Variants in ZNF423 observed in about 807,000 individuals in gnomAD.
ZNF423 encodes the protein zinc finger protein 423.
ZNF423 carries 12 observed loss-of-function variants against 95.8 expected under a neutral mutation model. The ratio of observed to expected loss-of-function variants is 0.13; its 90% CI spans 0.08 to 0.20. ZNF423 has a LOEUF of 0.20. ZNF423 is among the 10% of genes least tolerant of loss of function. The pLI is 1.00. For synonymous variants in ZNF423, 749 were observed against 711.9 expected, an observed-to-expected ratio of 1.05 and a Z score of -0.83; for missense variants, 1,316 against 1,737.1, an observed-to-expected ratio of 0.76 and a Z score of 4.31.
chr16:49,647,716 T>C (rs1382759035), intron 3 of ZNF423, among the ~76,000 whole-genome samples: 1 of 152,214 alleles, frequency 6.6e-6, no homozygotes, highest in Non-Finnish European at 1.5e-5. Context: ...CAGAAAGGAA[T>C]GCGGCCCTGC....
At chr16:49,817,583 C>A (rs1177039629) in intron 1 of ZNF423, among the ~76,000 whole-genome samples, 1 of 152,196 alleles carries the variant, frequency 6.6e-6, no homozygotes, top group East Asian at 1.9e-4. Context: ...ACGCCTGATA[C>A]CGCCTTAGCC....
intron 7 of ZNF423, among the ~76,000 whole-genome samples, chr16:49,508,790 C>T (rs988413204): frequency 3.3e-5 from 5 of 152,152 alleles, no homozygotes; most frequent in Non-Finnish European, 7.3e-5. Flanking sequence ...ACAATTTTAG[C>T]ATCTTGCTCC....
intron 3 of ZNF423, among the ~76,000 whole-genome samples, chr16:49,643,821 G>A (rs928631487): frequency 3.9e-5 from 6 of 152,152 alleles, no homozygotes; most frequent in Non-Finnish European, 8.8e-5. Flanking sequence ...AAGCATAAAA[G>A]AGGAGAGAAT....
At position 49,781,080 on chromosome 16, in the gene ZNF423, C is replaced by T. The variant is rs540892408; in HGVS notation, c.100+8407G>A. On this transcript the variant is annotated intron_variant, in intron 2 of 7. Transcript: ENST00000563137. ...ATCCCACAGGTGACCCAATGCAGGA[C>T]GGTCACTTGGGGAAATGTGTAAAGT... Among the ~76,000 whole-genome samples, 4 of 152,268 alleles carry T rather than the reference C, an allele frequency of 2.6e-5. No homozygotes were observed. In the East Asian group the frequency reaches 5.8e-4, roughly 22 times the overall value.
intron 1 of ZNF423, among the ~76,000 whole-genome samples, chr16:49,852,761 C>T (rs1032087213): frequency 4.0e-5 from 6 of 151,860 alleles, no homozygotes; most frequent in African/African-American, 1.5e-4. Flanking sequence ...GCTATTCTCC[C>T]CCCTCCCCTA....
chr16:49,826,666 T>G (rs2035008508), intron 1 of ZNF423: 1 of 152,228 alleles, frequency 6.6e-6, no homozygotes, highest in Non-Finnish European at 1.5e-5. Context: ...AAGGAATCAA[T>G]ACATGTTCAC....
chr16:49,790,008 C>G (rs1004752978), intron 1 of ZNF423, among the ~76,000 whole-genome samples: 8 of 152,166 alleles, frequency 5.3e-5, no homozygotes, highest in East Asian at 3.9e-4. Context: ...GCCTCCCCCC[C>G]ATTCCACCCA....
At chr16:49,760,841 T>C (rs1293016471) in intron 2 of ZNF423, among the ~76,000 whole-genome samples, 2 of 151,292 alleles carry the variant, frequency 1.3e-5, no homozygotes, top group Admixed American at 6.6e-5. Context: ...CCCCCGACCA[T>C]CTGCTATATC....
intron 5 of ZNF423, among the ~76,000 whole-genome samples, chr16:49,581,493 T>C (rs946549711): frequency 4.6e-5 from 7 of 152,216 alleles, no homozygotes; most frequent in Non-Finnish European, 8.8e-5. Context: ...TGGAGGAAAG[T>C]TATAGGCATT....
intron 5 of ZNF423, among the ~76,000 whole-genome samples, chr16:49,618,165 C>T (rs1971938671): frequency 6.6e-6 from 1 of 152,330 alleles, no homozygotes; most frequent in South Asian, 2.1e-4. Flanking sequence ...AGTTCAGGTC[C>T]CTACCCTGAA....
intron 5 of ZNF423, among the ~76,000 whole-genome samples, chr16:49,559,583 A>T (rs1969951615): frequency 6.6e-6 from 1 of 152,216 alleles, no homozygotes; most frequent in African/African-American, 2.4e-5. Context: ...AAAGACCAGG[A>T]CTTAATATCC....
intron 5 of ZNF423, among the ~76,000 whole-genome samples, chr16:49,589,449 T>C (rs1326739367): frequency 1.3e-5 from 2 of 152,244 alleles, no homozygotes; most frequent in African/African-American, 4.8e-5. Context: ...GTTTAGTGTC[T>C]AGCTGTGTGC....
At chr16:49,551,778 C>T (rs997234133) in intron 5 of ZNF423, among the ~76,000 whole-genome samples, 3 of 152,126 alleles carry the variant, frequency 2.0e-5, no homozygotes, top group South Asian at 2.1e-4. Flanking sequence ...GAAGGGACAC[C>T]GAAAACGGGC....
At chr16:49,668,831 A>G (rs1010212479) in intron 3 of ZNF423, among the ~76,000 whole-genome samples, 2 of 152,274 alleles carry the variant, frequency 1.3e-5, no homozygotes, top group East Asian at 1.9e-4. Flanking sequence ...TGGCTCTGTC[A>G]TCTACATGCT....
Position 49,852,693 on chromosome 16 carries a change from C to T in ZNF423, c.40+3042G>A, listed in dbSNP as rs755566394. ...GAAAAATGTGACTTTTATAACACTC[C>T]CGGCTTTAGGGTTGTTTTTTTTTAA... On this transcript the variant is annotated intron_variant, in intron 1 of 7. Coordinates refer to ENST00000563137, the MANE Select transcript of ZNF423 (RefSeq NM_001379286.1). Among the ~76,000 whole-genome samples, 63 of 151,938 alleles carry T rather than the reference C, an allele frequency of 4.1e-4. 1 individual carries two copies. The highest frequency in any genetic ancestry group is 3.4e-3 in the Middle Eastern group (1 of 294).
intron 2 of ZNF423, among the ~76,000 whole-genome samples, chr16:49,761,115 T>A (rs1263595923): frequency 1.3e-5 from 2 of 152,112 alleles, no homozygotes; most frequent in Non-Finnish European, 2.9e-5. Flanking sequence ...AAACACAGTG[T>A]GACCTGAGAG....
intron 3 of ZNF423, among the ~76,000 whole-genome samples, chr16:49,702,362 C>T (rs1386559680): frequency 1.3e-5 from 2 of 152,338 alleles, no homozygotes; most frequent in East Asian, 1.9e-4. Context: ...GCGAGCCTCG[C>T]ACCCCTCTGC....
chr16:49,640,755 C>T (rs1972948561), intron 3 of ZNF423: 1 of 152,456 alleles, frequency 6.6e-6, no homozygotes, highest in Admixed American at 6.5e-5. Context: ...GCCCAGCTCC[C>T]CAGCCCAGCT....
At chr16:49,687,195 C>G (rs1179764255) in intron 3 of ZNF423, among the ~76,000 whole-genome samples, 2 of 151,996 alleles carry the variant, frequency 1.3e-5, no homozygotes, top group Non-Finnish European at 2.9e-5. Context: ...AGGGCGCCAC[C>G]AAGAGACCCC....
Sources: gnomAD v4.1 joint callset for allele counts (sites outside exome capture counted in the v4.1 genomes callset) on GRCh38, gnomAD v4.1.1 for gene constraint, MANE v1.5 for transcripts, NCBI Gene and HGNC (gene_info 2026-07-23, HGNC 2026-07-21) for gene names.